The following DAOA variants were observed in gnomAD, a reference collection of about 807,000 sequenced individuals.
DAOA encodes D-amino acid oxidase regulator.
A neutral mutation model predicts 16.4 loss-of-function variants in DAOA; 15 were observed. That is an observed-to-expected ratio of 0.91 (90% CI 0.61 to 1.41). The LOEUF is 1.41. Ranked by LOEUF, DAOA falls within the 40% of genes most tolerant of loss-of-function variation. DAOA has a pLI of 0.00. For missense variants in DAOA, 230 were observed against 176.8 expected (o/e 1.30, Z -1.71); for synonymous variants, 75 against 59.1 (o/e 1.27, Z -1.23).
At chr13:105,476,477 A>T (rs1539069) in intron 4 of DAOA, among the ~76,000 whole-genome samples, 40,376 of 148,536 alleles carry the variant, frequency 0.27, 5,598 homozygotes, top group Non-Finnish European at 0.29. Context: ...TAAAACGTTC[A>T]CTTGTACCAA....
chr13:105,489,776 C>T (rs1454616823), intron 4 of DAOA, 125 bp from the exon 5 acceptor site: 11 of 1,598,482 alleles, frequency 6.9e-6, no homozygotes, highest in Non-Finnish European at 9.4e-6. Context: ...AACCCCTTAC[C>T]CTTGAATGTG....
At chr13:105,474,567 G>T (rs118103551) in intron 4 of DAOA, among the ~76,000 whole-genome samples, 3,251 of 152,040 alleles carry the variant, frequency 0.021, 53 homozygotes, top group Non-Finnish European at 0.034. Flanking sequence ...ATTATTTCAC[G>T]GTGAAATTAA....
chr13:105,489,844 C>A lies in DAOA; in HGVS notation c.282-57C>A, dbSNP rs72549490. On this transcript the variant is annotated intron_variant, in intron 4 of 5. Coordinates refer to ENST00000375936, the MANE Select transcript of DAOA (RefSeq NM_172370.5). ...TGGGAAAGGTGATGACACTTGACTC[C>A]GGTGATGAGGTTACCTTTCACAAGA... The A allele has an allele frequency of 5.6e-3, 8,955 of 1,613,486 alleles. 174 individuals are homozygous for A. The African/African-American group carries it at 0.063, about 11-fold the overall frequency.
intron 3 of DAOA, among the ~76,000 whole-genome samples, chr13:105,469,452 A>G (rs1220350793): frequency 1.3e-5 from 2 of 152,240 alleles, no homozygotes; most frequent in African/African-American, 4.8e-5. Context: ...ATCCACAAAA[A>G]TGTAAGGCCC....
intron 3 of DAOA, among the ~76,000 whole-genome samples, chr13:105,470,116 A>ATTTTTTT (rs33937275): frequency 0.031 from 4,451 of 142,038 alleles, 98 homozygotes; most frequent in East Asian, 0.062. Flanking sequence ...GCTCATTGGA[A>ATTTTTTT]TTTTTTTTTT....
At position 105,468,294 on chromosome 13, in the gene DAOA, T is replaced by C. The variant is rs1594103245; in HGVS notation, c.133+1153T>C. Among the ~76,000 whole-genome samples the C allele has an allele frequency of 2.0e-5, 3 of 152,316 alleles. No individual in the cohort carries two copies. The South Asian group carries it at 6.2e-4, about 32-fold the overall frequency. On this transcript the variant is annotated intron_variant, in intron 3 of 5. Transcript: ENST00000375936. ...TTTCAGGATTAAGAACTGGACATTTTTGGGGGGTGGAGCAAAGAAGTTTCT... is the reference window on the plus strand; with the variant it reads ...TTTCAGGATTAAGAACTGGACATTTCTGGGGGGTGGAGCAAAGAAGTTTCT...
rs557402772 is a variant in DAOA at position 105,483,590 on chromosome 13, A to C, written c.282-6311A>C. ...GCTATCTTGTTATGCTTTCATTTGC[A>C]TTTTCCTAATGACTAATGATATTGA... On this transcript the variant is annotated intron_variant, in intron 4 of 5. Coordinates refer to ENST00000375936, the MANE Select transcript of DAOA (RefSeq NM_172370.5). 4.8e-3 allele frequency among the ~76,000 whole-genome samples: 737 copies of C among 152,022 alleles called. 5 individuals carry two copies. Among genetic ancestry groups the C allele is most frequent in the Non-Finnish European group, 7.7e-3 (525 of 67,938 alleles).
At chr13:105,480,928 C>T (rs1157638081) in intron 4 of DAOA, among the ~76,000 whole-genome samples, 1 of 151,126 alleles carries the variant, frequency 6.6e-6, no homozygotes, top group African/African-American at 2.5e-5. Context: ...TCCACTGACG[C>T]AGATGCCAAA....
At chr13:105,480,002 A>G (rs981131642) in intron 4 of DAOA, among the ~76,000 whole-genome samples, 10 of 152,196 alleles carry the variant, frequency 6.6e-5, no homozygotes, top group African/African-American at 2.4e-4. Context: ...CTTTAGCAGA[A>G]GCCTTTATAA....
At chr13:105,482,486 C>T (rs977848905) in intron 4 of DAOA, among the ~76,000 whole-genome samples, 11 of 150,376 alleles carry the variant, frequency 7.3e-5, no homozygotes, top group African/African-American at 2.7e-4. Flanking sequence ...GCCAGCTCCT[C>T]TGCTTTGACC....
intron 4 of DAOA, among the ~76,000 whole-genome samples, chr13:105,478,209 T>C (rs1228193742): frequency 2.6e-5 from 4 of 152,216 alleles, no homozygotes; most frequent in African/African-American, 9.6e-5. Flanking sequence ...TTTACACAAA[T>C]GTACCTTATA....
At chr13:105,475,954 C>T (rs1259648318) in intron 4 of DAOA, among the ~76,000 whole-genome samples, 1 of 152,004 alleles carries the variant, frequency 6.6e-6, no homozygotes, top group East Asian at 1.9e-4. Flanking sequence ...CTAAGAACTG[C>T]ACACTAAATT....
intron 4 of DAOA, among the ~76,000 whole-genome samples, chr13:105,478,842 G>A (rs1877518251): frequency 2.0e-5 from 3 of 152,262 alleles, no homozygotes; most frequent in African/African-American, 4.8e-5. Flanking sequence ...CAATACCCAT[G>A]CCTGGCAAAT....
At chr13:105,472,452 C>A in intron 3 of DAOA, 86 bp from the exon 4 acceptor site, 1 of 1,422,718 alleles carries the variant, frequency 7.0e-7, no homozygotes, top group Non-Finnish European at 9.2e-7. Flanking sequence ...TTCCTACAAT[C>A]GCTCCACAGT....
At chr13:105,473,714 T>C (rs1877150299) in intron 4 of DAOA, among the ~76,000 whole-genome samples, 1 of 152,142 alleles carries the variant, frequency 6.6e-6, no homozygotes. Context: ...GTCCTACTGA[T>C]GAGCTATAAT....
At chr13:105,489,728 C>T (rs963205435) in intron 4 of DAOA, 173 bp from the exon 5 acceptor site, 1 of 1,434,606 alleles carries the variant, frequency 7.0e-7, no homozygotes, top group Non-Finnish European at 9.3e-7. Flanking sequence ...CTAAGTGACC[C>T]ACATAATCTT....
In DAOA at chr13:105,469,137, T is replaced by C. The variant is rs74322717; in HGVS notation, c.133+1996T>C. Among the ~76,000 whole-genome samples, 362 of 152,294 alleles carry C rather than the reference T, an allele frequency of 2.4e-3. 1 individual carries two copies. The highest frequency in any genetic ancestry group is 8.1e-3 in the African/African-American group (336 of 41,568). ...AGGAGAGAGTTATCATCTCATTAGA[T>C]AGTTAAGTACCATACCATAGGGTTC... is the stretch of plus-strand genomic sequence containing the variant. On this transcript the variant is annotated intron_variant, in intron 3 of 5. Transcript: ENST00000375936.
chr13:105,475,097 A>T (rs1877242143), intron 4 of DAOA: 1 of 950,206 alleles, frequency 1.1e-6, no homozygotes, highest in Non-Finnish European at 1.3e-6. Context: ...GCATACCCCT[A>T]GTGAGATAAG....
chr13:105,481,853 A>G (rs1023441595), intron 4 of DAOA, among the ~76,000 whole-genome samples: 1 of 152,212 alleles, frequency 6.6e-6, no homozygotes, highest in African/African-American at 2.4e-5. Flanking sequence ...CCCTTAGAAG[A>G]CAAACATTTA....
Sources: allele counts gnomAD v4.1 joint callset (sites outside exome capture counted in the v4.1 genomes callset), GRCh38; gene constraint gnomAD v4.1.1; transcripts MANE v1.5; gene names NCBI Gene and HGNC (gene_info 2026-07-23, HGNC 2026-07-21).